CASR: variants seen among roughly 807,000 people sequenced by gnomAD.
The protein encoded by CASR is calcium sensing receptor, also known as extracellular calcium-sensing receptor.
CASR carries 23 observed loss-of-function variants against 69.1 expected under a neutral mutation model. That is an observed-to-expected ratio of 0.33 (90% CI 0.24 to 0.47). The LOEUF (loss-of-function observed/expected upper bound fraction) is 0.47. CASR is among the 20% of genes least tolerant of loss of function. CASR has a pLI of 1.00. For synonymous variants in CASR, 541 were observed against 544.7 expected, an observed-to-expected ratio of 0.99 and a Z score of 0.10; for missense variants, 924 against 1,356.1, an observed-to-expected ratio of 0.68 and a Z score of 5.00.
chr3:122,190,895 C>A (rs555424220), intron 1 of CASR, among the ~76,000 whole-genome samples: 15 of 152,274 alleles, frequency 9.9e-5, no homozygotes, highest in African/African-American at 3.6e-4. Context: ...ATTAGGAAAC[C>A]AGGGTACTGA....
At chr3:122,259,892 T>C (rs1369383197) in intron 3 of CASR, among the ~76,000 whole-genome samples, 1 of 152,160 alleles carries the variant, frequency 6.6e-6, no homozygotes, top group African/African-American at 2.4e-5. Flanking sequence ...AAATTAATTG[T>C]TTTAAATGGT....
chr3:122,188,647 G>A (rs1847029), intron 1 of CASR, among the ~76,000 whole-genome samples: 92,815 of 151,824 alleles, frequency 0.61, 28,724 homozygotes, highest in Admixed American at 0.74. Context: ...GAGGCTTTCA[G>A]TTCAAAGTGG....
chr3:122,189,390 C>A (rs2073819114), intron 1 of CASR, among the ~76,000 whole-genome samples: 1 of 152,132 alleles, frequency 6.6e-6, no homozygotes, highest in East Asian at 1.9e-4. Context: ...CTCAGTTAAT[C>A]CCCAGGGTCT....
At chr3:122,250,258 G>A (rs752169409) in intron 1 of CASR, among the ~76,000 whole-genome samples, 2 of 152,040 alleles carry the variant, frequency 1.3e-5, no homozygotes, top group African/African-American at 2.4e-5. Context: ...AAGCAAATTC[G>A]ACCCTGACAA....
intron 1 of CASR, among the ~76,000 whole-genome samples, chr3:122,241,932 A>G (rs2074382875): frequency 6.6e-6 from 1 of 152,168 alleles, no homozygotes; most frequent in African/African-American, 2.4e-5. Flanking sequence ...CAAAAATCAT[A>G]TAATCGTTTT....
chr3:122,280,002 A>G (rs1458996654), intron 5 of CASR, among the ~76,000 whole-genome samples: 7 of 152,018 alleles, frequency 4.6e-5, no homozygotes, highest in Non-Finnish European at 8.8e-5. Context: ...CCCTGTGTCC[A>G]TGTGTTCCCA....
chr3:122,208,291 C>A (rs2074028984), intron 1 of CASR, among the ~76,000 whole-genome samples: 1 of 152,184 alleles, frequency 6.6e-6, no homozygotes, highest in Non-Finnish European at 1.5e-5. Flanking sequence ...ATTCTCCCAC[C>A]TTAGCCTCTT....
At chr3:122,224,091 A>G (rs1007893810) in intron 1 of CASR, among the ~76,000 whole-genome samples, 10 of 152,234 alleles carry the variant, frequency 6.6e-5, no homozygotes, top group African/African-American at 2.2e-4. Flanking sequence ...ATCATACTGA[A>G]TGGGCAAAAG....
At chr3:122,210,394 G>A (rs2074051615) in intron 1 of CASR, among the ~76,000 whole-genome samples, 1 of 152,042 alleles carries the variant, frequency 6.6e-6, no homozygotes, top group Non-Finnish European at 1.5e-5. Flanking sequence ...CAAAGTCTCA[G>A]GATACAAAAA....
chr3:122,253,189 AT>A (rs557560770), intron 1 of CASR, among the ~76,000 whole-genome samples: 116 of 152,332 alleles, frequency 7.6e-4, no homozygotes, highest in African/African-American at 2.7e-3. Context: ...CTTTTCCAAC[AT>A]TTTTGTTTGG....
chr3:122,216,145 T>A (rs1458010352), intron 1 of CASR, among the ~76,000 whole-genome samples: 1 of 152,222 alleles, frequency 6.6e-6, no homozygotes, highest in Non-Finnish European at 1.5e-5. Flanking sequence ...CAAATTAATC[T>A]TGTTTCTTGA....
intron 1 of CASR, among the ~76,000 whole-genome samples, chr3:122,243,075 A>G (rs1486590939): frequency 2.0e-5 from 3 of 152,164 alleles, no homozygotes; most frequent in African/African-American, 7.2e-5. Context: ...AAACTACTAA[A>G]CAAAAACACT....
At chr3:122,232,248 G>C (rs1236239950) in intron 1 of CASR, among the ~76,000 whole-genome samples, 1 of 152,240 alleles carries the variant, frequency 6.6e-6, no homozygotes, top group East Asian at 1.9e-4. Context: ...TCCTGAGTAT[G>C]CCAGCAATGA....
At chr3:122,251,836 G>A (rs895899102) in intron 1 of CASR, among the ~76,000 whole-genome samples, 1 of 152,250 alleles carries the variant, frequency 6.6e-6, no homozygotes, top group Non-Finnish European at 1.5e-5. Context: ...CTTGCCCAAA[G>A]TCATATTAGA....
chr3:122,256,562 A>G (rs1394017834), intron 2 of CASR, among the ~76,000 whole-genome samples: 1 of 152,116 alleles, frequency 6.6e-6, no homozygotes, highest in Non-Finnish European at 1.5e-5. Flanking sequence ...TAATTAGCTC[A>G]TGTCATGATC....
At chr3:122,208,966 G>GA (rs1191924815) in intron 1 of CASR, among the ~76,000 whole-genome samples, 1 of 152,162 alleles carries the variant, frequency 6.6e-6, no homozygotes, top group Non-Finnish European at 1.5e-5. Context: ...GGGGCTTGGG[G>GA]ATCTCAGCTA....
intron 1 of CASR, among the ~76,000 whole-genome samples, chr3:122,186,940 A>AT (rs1437731108): frequency 6.6e-6 from 1 of 152,264 alleles, no homozygotes; most frequent in East Asian, 1.9e-4. Context: ...ATGCTTTGTT[A>AT]TCACAGTATC....
At chr3:122,255,595 T>C (rs560374294) in intron 2 of CASR, among the ~76,000 whole-genome samples, 1 of 152,332 alleles carries the variant, frequency 6.6e-6, no homozygotes, top group East Asian at 1.9e-4. Context: ...TATACAGACC[T>C]AAGATCAAGC....
chr3:122,243,309 C>G (rs1299348823), intron 1 of CASR, among the ~76,000 whole-genome samples: 1 of 152,012 alleles, frequency 6.6e-6, no homozygotes, highest in Non-Finnish European at 1.5e-5. Context: ...ATATTACAAG[C>G]TCTAACAGCT....
Sources: allele counts gnomAD v4.1 joint callset (sites outside exome capture counted in the v4.1 genomes callset), GRCh38; gene constraint gnomAD v4.1.1; transcripts MANE v1.5; gene names NCBI Gene and HGNC (gene_info 2026-07-23, HGNC 2026-07-21).